Variants in FOXN3 observed in about 807,000 individuals in gnomAD.
The protein encoded by FOXN3 is forkhead box N3.
In FOXN3, 7 loss-of-function variants were observed where a neutral mutation model predicts 38.4. That is an observed-to-expected ratio of 0.18 (90% CI 0.10 to 0.34). The LOEUF (loss-of-function observed/expected upper bound fraction) is 0.34, where lower values mean the gene tolerates loss of function less well. Ranked by LOEUF, FOXN3 falls within the 10% of genes least tolerant of loss-of-function variation. The pLI is 1.00. For synonymous variants in FOXN3, 230 were observed against 242.2 expected (o/e 0.95, Z 0.47); for missense variants, 456 against 613.4 (o/e 0.74, Z 2.71).
At chr14:89,222,160 A>G (rs1884488326) in intron 4 of FOXN3, among the ~76,000 whole-genome samples, 2 of 152,168 alleles carry the variant, frequency 1.3e-5, no homozygotes, top group Non-Finnish European at 2.9e-5. Context: ...GTGGAAACCC[A>G]TCACTGGCCA....
rs554836779 is a variant in FOXN3 at position 89,505,400 on chromosome 14, G to A, written c.-14-92910C>T. ...CCTGTTTCTCCTGCCTCAGCCTGCC[G>A]AGTGCCTGCGATTGCAGGCGCGCAC... On this transcript the variant is annotated intron_variant, in intron 1 of 6. Coordinates refer to the FOXN3 transcript ENST00000345097. Among the ~76,000 whole-genome samples the A allele has an allele frequency of 4.6e-5, 7 of 151,272 alleles. No homozygotes were observed. In the East Asian group the frequency reaches 1.2e-3, roughly 25 times the overall value.
At chr14:89,433,480 TCAAACAAA>T (rs763688770) in intron 1 of FOXN3, among the ~76,000 whole-genome samples, 4 of 151,624 alleles carry the variant, frequency 2.6e-5, no homozygotes, top group African/African-American at 9.7e-5. Context: ...AGACTCCATC[TCAAACAAA>T]CAAACAAACA....
At chr14:89,372,765 A>G (rs192646519) in intron 2 of FOXN3, among the ~76,000 whole-genome samples, 23 of 152,308 alleles carry the variant, frequency 1.5e-4, no homozygotes, top group African/African-American at 5.3e-4. Context: ...TATAAAACAA[A>G]AAACACCACA....
chr14:89,353,951 T>C (rs1024636349), intron 2 of FOXN3, among the ~76,000 whole-genome samples: 1 of 151,578 alleles, frequency 6.6e-6, no homozygotes, highest in Non-Finnish European at 1.5e-5. Context: ...AGGCTGGTCT[T>C]GAACTCCTGC....
intron 1 of FOXN3, among the ~76,000 whole-genome samples, chr14:89,481,198 G>T (rs1893320350): frequency 6.6e-6 from 1 of 151,982 alleles, no homozygotes; most frequent in Non-Finnish European, 1.5e-5. Context: ...ACAGCACATG[G>T]CAAGTCTTCA....
intron 1 of FOXN3, among the ~76,000 whole-genome samples, chr14:89,414,667 C>T (rs1258015730): frequency 6.6e-6 from 1 of 151,870 alleles, no homozygotes; most frequent in Non-Finnish European, 1.5e-5. Flanking sequence ...GATTCTCCTG[C>T]CTCAGCCTCC....
intron 1 of FOXN3, among the ~76,000 whole-genome samples, chr14:89,581,251 G>C (rs527914254): frequency 8.3e-4 from 126 of 152,132 alleles, no homozygotes; most frequent in Non-Finnish European, 1.4e-3. Context: ...GGAGGCTGAG[G>C]GGGGAGTATC....
At chr14:89,208,478 T>C (rs1888442938) in intron 4 of FOXN3, among the ~76,000 whole-genome samples, 1 of 152,220 alleles carries the variant, frequency 6.6e-6, no homozygotes. Flanking sequence ...TGTCTATCCA[T>C]GGAATCACCA....
chr14:89,449,603 T>C (rs374666750), intron 1 of FOXN3, among the ~76,000 whole-genome samples: 3 of 152,260 alleles, frequency 2.0e-5, no homozygotes, highest in Non-Finnish European at 4.4e-5. Context: ...CAGAATTTAT[T>C]TGAGAAGAAA....
At chr14:89,391,494 C>A (rs572493240) in intron 2 of FOXN3, among the ~76,000 whole-genome samples, 64 of 152,338 alleles carry the variant, frequency 4.2e-4, no homozygotes, top group African/African-American at 1.5e-3. Context: ...CCAAAAGGAT[C>A]TGCTGCAGAA....
chr14:89,586,171 G>A (rs546995227), intron 1 of FOXN3, among the ~76,000 whole-genome samples: 10 of 151,970 alleles, frequency 6.6e-5, no homozygotes, highest in Admixed American at 3.3e-4. Context: ...CTGGCATACC[G>A]GATCAAAAGT....
rs137947071 is a variant in FOXN3 at position 89,216,018 on chromosome 14, A to G, written c.746-35212T>C. ...TCTAGAGGAATGCCTACCTTTTCTC[A>G]TCAAAAGTCAGAAGTGACCATTTGT... On this transcript the variant is annotated intron_variant, in intron 4 of 5. Coordinates refer to ENST00000557258, the MANE Select transcript of FOXN3 (RefSeq NM_005197.4). Among the ~76,000 whole-genome samples, 498 of 152,338 alleles carry G rather than the reference A, an allele frequency of 3.3e-3. 2 individuals are homozygous for G. The highest frequency in any genetic ancestry group is 0.012 in the African/African-American group (483 of 41,572).
chr14:89,501,666 G>T (rs943488999), intron 1 of FOXN3, among the ~76,000 whole-genome samples: 4 of 152,158 alleles, frequency 2.6e-5, no homozygotes, highest in African/African-American at 7.2e-5. Flanking sequence ...AAGCTCAGGG[G>T]TTCTACTATT....
chr14:89,209,279 C>T (rs1326198069), intron 4 of FOXN3, among the ~76,000 whole-genome samples: 4 of 152,212 alleles, frequency 2.6e-5, no homozygotes, highest in South Asian at 2.1e-4. Context: ...CATTCCTTTA[C>T]GTATTAGGAG....
At chr14:89,528,410 G>GCAAAAAAAAA (rs1894478634) in intron 1 of FOXN3, among the ~76,000 whole-genome samples, 1 of 31,488 alleles carries the variant, frequency 3.2e-5, no homozygotes, top group African/African-American at 1.2e-4. Flanking sequence ...TTTTTTTTTT[G>GCAAAAAAAAA]AAAAAGAAAG....
At position 89,412,241 on chromosome 14, in the gene FOXN3, G is replaced by A. The variant is rs142702729; in HGVS notation, c.236C>T (p.Ser79Leu). ...SKNLLKSFGE[S>L]VLRSVSPVQD... is the part of the protein sequence containing the mutation. ...GACGGGGCTGACACTCCTGAGGACC[G>A]ACTCCCCAAAGCTCTTCAGCAAGTT... Residue 79 changes from serine (S) to leucine (L), a missense_variant, in exon 2 of 6, where the codon TCG (serine) becomes TTG (leucine). Ser to Leu is a moderately radical substitution (Grantham distance 145). Transcript: ENST00000557258. The surrounding 1 kb of genome is among the most constrained non-coding windows in gnomAD (Gnocchi z 4.7). 1.2e-6 allele frequency: 2 copies of A among 1,613,920 alleles called. No homozygotes were observed. The highest frequency in any genetic ancestry group is 1.7e-5 in the Admixed American group (1 of 59,998).
At chr14:89,486,258 C>T (rs762963344) in intron 1 of FOXN3, among the ~76,000 whole-genome samples, 2 of 152,166 alleles carry the variant, frequency 1.3e-5, no homozygotes, top group African/African-American at 4.8e-5. Context: ...AATTTAGAAG[C>T]TAATTTCTAT....
intron 3 of FOXN3, among the ~76,000 whole-genome samples, chr14:89,302,767 CTCTCCCTT>C (rs1033297689): frequency 3.3e-5 from 5 of 152,196 alleles, no homozygotes; most frequent in African/African-American, 1.2e-4. Context: ...TATGCTACTT[CTCTCCCTT>C]TCATCTGCCC....
chr14:89,426,621 C>T (rs1012654163), intron 1 of FOXN3, among the ~76,000 whole-genome samples: 6 of 152,304 alleles, frequency 3.9e-5, no homozygotes, highest in African/African-American at 1.4e-4. Context: ...ATTTAACAAA[C>T]ACCGAAATAG....
Sources: allele counts gnomAD v4.1 joint callset (sites outside exome capture counted in the v4.1 genomes callset), GRCh38; gene constraint gnomAD v4.1.1; non-coding constraint Gnocchi (gnomAD v3.1); transcripts MANE v1.5; gene names NCBI Gene and HGNC (gene_info 2026-07-23, HGNC 2026-07-21).